The following AKAP5 variants were observed in gnomAD, a reference collection of about 807,000 sequenced individuals.
The protein encoded by AKAP5 is A-kinase anchor protein 5.
In AKAP5, 5 loss-of-function variants were observed where a neutral mutation model predicts 13.8. The observed-to-expected ratio is 0.36, with a 90% CI of 0.19 to 0.76. The LOEUF is 0.76. AKAP5 is among the 30% of genes least tolerant of loss of function. The pLI, the probability that AKAP5 is intolerant of heterozygous loss-of-function variation, is 0.51. For synonymous variants in AKAP5, 148 were observed against 167.2 expected, an observed-to-expected ratio of 0.89 and a Z score of 0.89; for missense variants, 406 against 484.4, an observed-to-expected ratio of 0.84 and a Z score of 1.52.
Position 64,472,550 on chromosome 14 carries a change from T to C in AKAP5, c.*2872T>C, listed in dbSNP as rs761848192. 1 of 166,956 alleles carries C rather than the reference T, an allele frequency of 6.0e-6. No homozygotes were observed. The highest frequency in any genetic ancestry group is 1.5e-5 in the Non-Finnish European group (1 of 68,100). The allele number at this position is 166,956 out of a possible 1,614,324, so 10.3% of individuals were successfully genotyped here. On this transcript the variant is annotated 3_prime_UTR_variant, in exon 2 of 2. Transcript: ENST00000394718. Reference sequence around the variant, plus strand: ...TGTACTGATTGTTTTTATGATAAGATGTATATTTTACTTGCATTCATTCTT... The same window carrying C: ...TGTACTGATTGTTTTTATGATAAGACGTATATTTTACTTGCATTCATTCTT...
Position 64,470,110 on chromosome 14 carries a change from G to A in AKAP5, c.*432G>A, listed in dbSNP as rs1242554041. 1 of 168,346 alleles carries A rather than the reference G, an allele frequency of 5.9e-6. No individual in the cohort carries two copies. The highest frequency in any genetic ancestry group is 1.4e-5 in the Non-Finnish European group (1 of 69,080). The allele number at this position is 168,346 out of a possible 1,614,324, so 10.4% of individuals were successfully genotyped here. Reference sequence around the variant, plus strand: ...TTTTTAAAAACTTATTTTTTACAGTGCACATATATGTTTAAAATGGTGAAT... The same window carrying A: ...TTTTTAAAAACTTATTTTTTACAGTACACATATATGTTTAAAATGGTGAAT... On this transcript the variant is annotated 3_prime_UTR_variant, in exon 2 of 2. Transcript: ENST00000394718.
rs199669358 is a variant in AKAP5, at chr14:64,471,149, C to A, written c.*1471C>A. The A allele has an allele frequency of 6.7e-5, 10 of 148,300 alleles. No individual in the cohort carries two copies. The highest frequency in any genetic ancestry group is 2.3e-4 in the African/African-American group (9 of 39,224). The allele number at this position is 148,300 out of a possible 1,614,324, so 9.2% of individuals were successfully genotyped here. A position where few individuals can be genotyped will look rare whatever the true frequency, so the allele number is the denominator to read the frequency against. On this transcript the variant is annotated 3_prime_UTR_variant, in exon 2 of 2. Transcript: ENST00000394718. ...AAGTTAACTTTTTCATCACTATTTT[C>A]TTTTCTTTTTTTTTTTTTTTTGAGA...
Position 64,471,998 on chromosome 14 carries a change from G to T in AKAP5, c.*2320G>T, listed in dbSNP as rs924483108. 6.0e-6 allele frequency: 1 copy of T among 166,350 alleles called. No homozygotes were observed. Among genetic ancestry groups the T allele is most frequent in the African/African-American group, 2.4e-5 (1 of 41,446 alleles). 10.3% of individuals were successfully genotyped at this position (166,350 alleles called of 1,614,324 possible). A position where few individuals can be genotyped will look rare whatever the true frequency, so the allele number is the denominator to read the frequency against. On this transcript the variant is annotated 3_prime_UTR_variant, in exon 2 of 2. Coordinates refer to ENST00000394718, the MANE Select transcript of AKAP5 (RefSeq NM_004857.3). ...CTGAAGTGCAAAAATATTTCCCCCA[G>T]ATTTTCCTACCTTCATGCTTATAAT...
Position 64,472,931 on chromosome 14 carries a change from A to T in AKAP5, c.*3253A>T, listed in dbSNP as rs1371162758. 1 of 167,044 alleles carries T rather than the reference A, an allele frequency of 6.0e-6. No homozygotes were observed. The highest frequency in any genetic ancestry group is 2.4e-5 in the African/African-American group (1 of 41,434). The allele number at this position is 167,044 out of a possible 1,614,324, so 10.3% of individuals were successfully genotyped here. A position where few individuals can be genotyped will look rare whatever the true frequency, so the allele number is the denominator to read the frequency against. On this transcript the variant is annotated 3_prime_UTR_variant, in exon 2 of 2. Transcript: ENST00000394718. Reference sequence around the variant, plus strand: ...TTTTCTTTACATTTGCTGTGGTATAAATTCTGCTTTTAATGAATGTTTATT... The same window carrying T: ...TTTTCTTTACATTTGCTGTGGTATATATTCTGCTTTTAATGAATGTTTATT...
In AKAP5 at chr14:64,469,262, A is replaced by G; in HGVS notation, c.868A>G (p.Asn290Asp). The change falls in exon 2 of 2, where the codon AAT becomes GAT. Residue 290 changes from asparagine to aspartate, a missense_variant. By Grantham distance (23) the Asn-to-Asp change is conservative. Transcript: ENST00000394718. ...TAACAGTACCCTAGAAAGTGCACCAAATGGAAAAGACTATGAAAGTACAGA... is the reference window on the plus strand; with the variant it reads ...TAACAGTACCCTAGAAAGTGCACCAGATGGAAAAGACTATGAAAGTACAGA... Reference protein sequence around the residue: ...ASNSTLESAPNGKDYESTEIV... With the variant: ...ASNSTLESAPDGKDYESTEIV... 6.2e-7 allele frequency: 1 copy of G among 1,613,736 alleles called. No homozygotes were observed. Among genetic ancestry groups the G allele is most frequent in the Non-Finnish European group, 8.5e-7 (1 of 1,179,976 alleles).
intron 1 of AKAP5, among the ~76,000 whole-genome samples, chr14:64,465,848 G>A (rs1053279659): frequency 6.6e-6 from 1 of 152,192 alleles, no homozygotes; most frequent in Non-Finnish European, 1.5e-5. Context: ...TAGAAGCATG[G>A]GTTGCCGGTG....
chr14:64,473,729 C>T lies in AKAP5; in HGVS notation c.*4051C>T, dbSNP rs940092776. 6.0e-6 allele frequency: 1 copy of T among 166,890 alleles called. No individual in the cohort carries two copies. Among genetic ancestry groups the T allele is most frequent in the African/African-American group, 2.4e-5 (1 of 41,400 alleles). The allele number at this position is 166,890 out of a possible 1,614,324, so 10.3% of individuals were successfully genotyped here. On this transcript the variant is annotated 3_prime_UTR_variant, in exon 2 of 2. Coordinates refer to ENST00000394718, the MANE Select transcript of AKAP5 (RefSeq NM_004857.3). Reference sequence around the variant, plus strand: ...AAATATGTAGTCTACTTTCTAATTTCATCTGATAATATAGCAGGATTTGAT... The same window carrying T: ...AAATATGTAGTCTACTTTCTAATTTTATCTGATAATATAGCAGGATTTGAT...
rs1274780063 is a variant in AKAP5, at chr14:64,473,160, A to AT, written c.*3488dup. On this transcript the variant is annotated 3_prime_UTR_variant, in exon 2 of 2. Transcript: ENST00000394718. ...TTTTATGTAGCACTATTCACTTAAC[A>AT]TTTTTTCAAAGCACTTTATAGGATA... 3.6e-5 allele frequency: 6 copies of AT among 167,004 alleles called. No homozygotes were observed. The highest frequency in any genetic ancestry group is 1.4e-4 in the African/African-American group (6 of 41,410). 10.3% of individuals were successfully genotyped at this position (167,004 alleles called of 1,614,324 possible).
intron 1 of AKAP5, among the ~76,000 whole-genome samples, chr14:64,465,917 A>C (rs1360606346): frequency 2.6e-5 from 4 of 152,142 alleles, no homozygotes; most frequent in African/African-American, 9.7e-5. Flanking sequence ...TGGCCATTAC[A>C]TTATAATTCT....
At position 64,469,236 on chromosome 14, in the gene AKAP5, G is replaced by A. The variant is rs145276427; in HGVS notation, c.842G>A (p.Ser281Asn). 76 of 1,613,852 alleles carry A rather than the reference G, an allele frequency of 4.7e-5. No homozygotes were observed. The highest frequency in any genetic ancestry group is 6.4e-5 in the Non-Finnish European group (75 of 1,180,030). ...GATCAACAAATTGTGGAAGAAGCCA[G>A]TAACAGTACCCTAGAAAGTGCACCA... is the stretch of plus-strand genomic sequence containing the variant. ...IPDQQIVEEA[S>N]NSTLESAPNG... Residue 281 changes from serine to asparagine, a missense_variant, in exon 2 of 2, where the codon AGT becomes AAT. Ser to Asn is a conservative substitution (Grantham distance 46). Coordinates refer to ENST00000394718, the MANE Select transcript of AKAP5 (RefSeq NM_004857.3).
rs1202932097 is a variant in AKAP5, at chr14:64,471,431, C to A, written c.*1753C>A. On this transcript the variant is annotated 3_prime_UTR_variant, in exon 2 of 2. Coordinates refer to ENST00000394718, the MANE Select transcript of AKAP5 (RefSeq NM_004857.3). ...CCTCCTAAAGTGCTGGGATTACAGGCATGAGCCACCGCACCCGGCCTTCAT... is the reference window on the plus strand; with the variant it reads ...CCTCCTAAAGTGCTGGGATTACAGGAATGAGCCACCGCACCCGGCCTTCAT... 6.0e-6 allele frequency: 1 copy of A among 166,966 alleles called. No individual in the cohort carries two copies. Among genetic ancestry groups the A allele is most frequent in the Admixed American group, 6.5e-5 (1 of 15,278 alleles). The allele number at this position is 166,966 out of a possible 1,614,324, so 10.3% of individuals were successfully genotyped here.
intron 1 of AKAP5, among the ~76,000 whole-genome samples, chr14:64,466,436 A>G (rs1470680398): frequency 1.3e-5 from 2 of 152,212 alleles, no homozygotes; most frequent in Non-Finnish European, 2.9e-5. Flanking sequence ...TCTCATTTCA[A>G]TATTTCTATT....
In AKAP5 at chr14:64,472,484, T is replaced by A. The variant is rs1428725137; in HGVS notation, c.*2806T>A. 1 of 166,976 alleles carries A rather than the reference T, an allele frequency of 6.0e-6. No homozygotes were observed. The highest frequency in any genetic ancestry group is 2.4e-5 in the African/African-American group (1 of 41,468). The allele number at this position is 166,976 out of a possible 1,614,324, so 10.3% of individuals were successfully genotyped here. A position where few individuals can be genotyped will look rare whatever the true frequency, so the allele number is the denominator to read the frequency against. ...AAAATTTTATCTAATACTAGGTTTTTACTTTTTTCACTGTGGTTTGATATA... is the reference window on the plus strand; with the variant it reads ...AAAATTTTATCTAATACTAGGTTTTAACTTTTTTCACTGTGGTTTGATATA... On this transcript the variant is annotated 3_prime_UTR_variant, in exon 2 of 2. Coordinates refer to ENST00000394718, the MANE Select transcript of AKAP5 (RefSeq NM_004857.3).
rs144453086 is a variant in AKAP5 at position 64,470,694 on chromosome 14, G to A, written c.*1016G>A. The A allele has an allele frequency of 0.023, 3,864 of 165,508 alleles. 61 individuals are homozygous for A. The highest frequency in any genetic ancestry group is 0.052 in the Middle Eastern group (15 of 290). The allele number at this position is 165,508 out of a possible 1,614,324, so 10.3% of individuals were successfully genotyped here. ...AACAGGGAGAGTGGGTTTTTCCCCC[G>A]CTTTTCTTTCTGCCTCAACAGATCT... On this transcript the variant is annotated 3_prime_UTR_variant, in exon 2 of 2. Coordinates refer to ENST00000394718, the MANE Select transcript of AKAP5 (RefSeq NM_004857.3).
Position 64,469,789 on chromosome 14 carries a change from T to G in AKAP5, c.*111T>G. On this transcript the variant is annotated 3_prime_UTR_variant, in exon 2 of 2. Transcript: ENST00000394718. ...TGAGAGATTTATCATCTCTAGAACT[T>G]AAAAGGTACAATTCCAGCGCAGAAG... The G allele has an allele frequency of 1.2e-6, 1 of 807,408 alleles. No homozygotes were observed. Among genetic ancestry groups the G allele is most frequent in the Non-Finnish European group, 1.9e-6 (1 of 521,384 alleles). 50.0% of individuals were successfully genotyped at this position (807,408 alleles called of 1,614,324 possible).
At position 64,468,288 on chromosome 14, in the gene AKAP5, T is replaced by C; in HGVS notation, c.-107T>C. Reference sequence around the variant, plus strand: ...GTAAGATGAAAGGTATGAATATGCCTGGAAGAAATTTTACCTAGTGTGACA... The same window carrying C: ...GTAAGATGAAAGGTATGAATATGCCCGGAAGAAATTTTACCTAGTGTGACA... On this transcript the variant is annotated 5_prime_UTR_variant, in exon 2 of 2. Transcript: ENST00000394718. 1 of 1,081,466 alleles carries C rather than the reference T, an allele frequency of 9.2e-7. No individual in the cohort carries two copies. The allele number at this position is 1,081,466 out of a possible 1,614,324, so 67.0% of individuals were successfully genotyped here.
chr14:64,469,361 A>C lies in AKAP5; in HGVS notation c.967A>C (p.Thr323Pro). The C allele has an allele frequency of 6.2e-7, 1 of 1,614,102 alleles. No individual in the cohort carries two copies. The highest frequency in any genetic ancestry group is 8.5e-7 in the Non-Finnish European group (1 of 1,180,010). ...ATCAGATTTTAAAGAAAATGGGATC[A>C]CTGAAGAGAAATCCAAATCAGAAGA... Reference protein sequence around the residue: ...QESDFKENGITEEKSKSEESK... With the variant: ...QESDFKENGIPEEKSKSEESK... Residue 323 changes from threonine (T) to proline (P), a missense_variant, in exon 2 of 2, where the codon ACT becomes CCT. Thr to Pro is a conservative substitution (Grantham distance 38). Transcript: ENST00000394718.
At position 64,473,749 on chromosome 14, in the gene AKAP5, T is replaced by C. The variant is rs1378133572; in HGVS notation, c.*4071T>C. On this transcript the variant is annotated 3_prime_UTR_variant, in exon 2 of 2. Coordinates refer to ENST00000394718, the MANE Select transcript of AKAP5 (RefSeq NM_004857.3). ...AATTTCATCTGATAATATAGCAGGA[T>C]TTGATTTTTCTGCCTGCCATTTGTG... 1 of 167,050 alleles carries C rather than the reference T, an allele frequency of 6.0e-6. No homozygotes were observed. Among genetic ancestry groups the C allele is most frequent in the African/African-American group, 2.4e-5 (1 of 41,472 alleles). 10.3% of individuals were successfully genotyped at this position (167,050 alleles called of 1,614,324 possible).
At position 64,468,908 on chromosome 14, in the gene AKAP5, C is replaced by T; in HGVS notation, c.514C>T (p.Gln172Ter). The change falls in exon 2 of 2, where the codon CAG becomes TAG. Residue 172 changes from glutamine to a stop codon, truncating the protein, a stop_gained. Coordinates refer to ENST00000394718, the MANE Select transcript of AKAP5 (RefSeq NM_004857.3). LOFTEE classifies it low-confidence loss of function (END_TRUNC). ...DIQTQTPLND[Q>*]ATKAKSTQDL... ...ACAAACACAGACCCCATTGAATGATCAGGCAACAAAGGCTAAGTCAACCCA... is the reference window on the plus strand; with the variant it reads ...ACAAACACAGACCCCATTGAATGATTAGGCAACAAAGGCTAAGTCAACCCA... The T allele has an allele frequency of 6.2e-7, 1 of 1,614,162 alleles. No individual in the cohort carries two copies. Among genetic ancestry groups the T allele is most frequent in the Non-Finnish European group, 8.5e-7 (1 of 1,180,042 alleles).
Sources: gnomAD v4.1 joint callset for allele counts (sites outside exome capture counted in the v4.1 genomes callset) on GRCh38, gnomAD v4.1.1 for gene constraint, MANE v1.5 for transcripts, NCBI Gene and HGNC (gene_info 2026-07-23, HGNC 2026-07-21) for gene names.